Variants in KPNA4 observed in about 807,000 individuals in gnomAD.
KPNA4 encodes importin subunit alpha-3.
In KPNA4, 13 loss-of-function variants were observed where a neutral mutation model predicts 71.3. That is an observed-to-expected ratio of 0.18 (90% CI 0.12 to 0.29). The LOEUF (loss-of-function observed/expected upper bound fraction) is 0.29, where lower values mean the gene tolerates loss of function less well. Among genes scored for constraint, KPNA4 ranks in the 10% least tolerant of loss-of-function variants. The probability of loss-of-function intolerance (pLI) is 1.00; values close to 1 mark genes in which losing one functional copy is unlikely to be tolerated. For missense variants in KPNA4, 334 were observed against 603.2 expected, an observed-to-expected ratio of 0.55 and a Z score of 4.67; for synonymous variants, 189 against 195.2, an observed-to-expected ratio of 0.97 and a Z score of 0.26.
intron 14 of KPNA4, 55 bp downstream of exon 14, chr3:160,509,745 C>T: frequency 9.0e-7 from 1 of 1,110,580 alleles, no homozygotes; most frequent in Non-Finnish European, 1.4e-6. Flanking sequence ...ATCAATATTA[C>T]CTGTACTTTT....
rs1225278263 is a variant in KPNA4, at chr3:160,530,968, C to T, written c.384-28G>A. On this transcript the variant is annotated intron_variant, in intron 6 of 16. Transcript: ENST00000334256. ...ACAAAAAAAAACAAGTATTTTTAAA[C>T]AGCAGGGATTTTTACATTGGGCCAA... 2.0e-6 allele frequency: 3 copies of T among 1,520,568 alleles called. No homozygotes were observed. In the South Asian group the frequency reaches 3.5e-5, roughly 18 times the overall value. 94.2% of individuals were successfully genotyped at this position (1,520,568 alleles called of 1,614,324 possible).
intron 14 of KPNA4, 97 bp from the exon 15 acceptor site, chr3:160,508,366 T>C (rs992337460): frequency 7.2e-6 from 6 of 831,118 alleles, no homozygotes; most frequent in East Asian, 2.8e-5. Flanking sequence ...ATTTCGAGTA[T>C]AGAAATATGA....
intron 1 of KPNA4, among the ~76,000 whole-genome samples, chr3:160,562,871 C>T (rs1344915774): frequency 1.3e-5 from 2 of 152,176 alleles, no homozygotes; most frequent in African/African-American, 4.8e-5. Flanking sequence ...TCTTCTAATA[C>T]AGCCTCAGGA....
intron 7 of KPNA4, among the ~76,000 whole-genome samples, chr3:160,528,376 G>A (rs901595166): frequency 1.3e-5 from 2 of 149,168 alleles, no homozygotes; most frequent in African/African-American, 4.9e-5. Context: ...CTTTTTTTTT[G>A]TTTTTTTGAG....
intron 7 of KPNA4, among the ~76,000 whole-genome samples, chr3:160,530,487 A>AAAC (rs1334289318): frequency 1.3e-5 from 2 of 152,136 alleles, no homozygotes; most frequent in Non-Finnish European, 2.9e-5. Context: ...TGAGAAAGAA[A>AAAC]AACAACAACA....
chr3:160,528,739 A>AT (rs943260143), intron 7 of KPNA4, among the ~76,000 whole-genome samples: 5 of 152,220 alleles, frequency 3.3e-5, no homozygotes, highest in African/African-American at 1.2e-4. Context: ...TTCCTGGGCC[A>AT]TGTGGGATCT....
chr3:160,558,618 CAT>C (rs1369111287), intron 1 of KPNA4, among the ~76,000 whole-genome samples: 4 of 152,180 alleles, frequency 2.6e-5, no homozygotes, highest in Admixed American at 6.5e-5. Flanking sequence ...AAGTGACACT[CAT>C]GTGCAAAAGA....
intron 2 of KPNA4, among the ~76,000 whole-genome samples, chr3:160,536,229 G>T (rs1428885085): frequency 6.6e-6 from 1 of 152,026 alleles, no homozygotes; most frequent in Non-Finnish European, 1.5e-5. Flanking sequence ...TTATTTAAAA[G>T]TACTAAACCA....
chr3:160,542,155 A>T (rs1721812971), intron 1 of KPNA4, among the ~76,000 whole-genome samples: 1 of 152,216 alleles, frequency 6.6e-6, no homozygotes, highest in Non-Finnish European at 1.5e-5. Context: ...AGAAATGAAC[A>T]GGTAGGCAAG....
chr3:160,536,006 A>T, intron 2 of KPNA4, 109 bp from the exon 3 acceptor site: 1 of 831,338 alleles, frequency 1.2e-6, no homozygotes, highest in Non-Finnish European at 1.6e-6. Context: ...AAAAACTGAA[A>T]TATGAAGTGC....
chr3:160,521,165 G>A (rs1405816531), intron 11 of KPNA4, among the ~76,000 whole-genome samples: 2 of 152,028 alleles, frequency 1.3e-5, no homozygotes, highest in African/African-American at 4.8e-5. Flanking sequence ...AGGATGGTTG[G>A]CAAGGAAGAA....
At position 160,508,245 on chromosome 3, in the gene KPNA4, C is replaced by T; in HGVS notation, c.1234G>A (p.Val412Ile). The change falls in exon 15 of 17, where the codon GTT becomes ATT. Residue 412 changes from valine to isoleucine, a missense_variant. Transcript: ENST00000334256. ...DQVAYLIQQN[V>I]IPPFCNLLTV... The stretch of plus-strand genomic sequence containing the variant: ...AGCAAGTTGCAAAAAGGTGGGATAA[C>T]ATTTTGTTGGATAAGGTAAGCCACC... 1 of 1,609,538 alleles carries T rather than the reference C, an allele frequency of 6.2e-7. No individual in the cohort carries two copies. Among genetic ancestry groups the T allele is most frequent in the Non-Finnish European group, 8.5e-7 (1 of 1,178,074 alleles).
intron 1 of KPNA4, among the ~76,000 whole-genome samples, chr3:160,555,060 G>A (rs1376463007): frequency 1.3e-5 from 2 of 152,152 alleles, no homozygotes; most frequent in Non-Finnish European, 2.9e-5. Flanking sequence ...CCATGGGACT[G>A]AGCTCTCAAC....
At chr3:160,514,244 A>G in intron 12 of KPNA4, 63 bp from the exon 13 acceptor site, 1 of 1,156,444 alleles carries the variant, frequency 8.6e-7, no homozygotes, top group Non-Finnish European at 1.2e-6. Context: ...TGAACTAAGT[A>G]AAAAAGCATT....
At chr3:160,545,289 G>C (rs1302816924) in intron 1 of KPNA4, among the ~76,000 whole-genome samples, 1 of 152,134 alleles carries the variant, frequency 6.6e-6, no homozygotes, top group African/African-American at 2.4e-5. Flanking sequence ...AAGCCCTCTA[G>C]TTATGTTCAC....
chr3:160,505,126 C>T (rs1720958426), intron 15 of KPNA4, 74 bp from the exon 16 acceptor site: 1 of 723,772 alleles, frequency 1.4e-6, no homozygotes, highest in Non-Finnish European at 2.1e-6. Flanking sequence ...ATCTTTGGAA[C>T]ACATAATCCA....
At chr3:160,524,735 A>AT (rs1721427824) in intron 10 of KPNA4, among the ~76,000 whole-genome samples, 3 of 152,308 alleles carry the variant, frequency 2.0e-5, no homozygotes, top group Admixed American at 2.0e-4. Context: ...TTACTTACAC[A>AT]TTTTTTAAGA....
intron 1 of KPNA4, among the ~76,000 whole-genome samples, chr3:160,552,676 G>C (rs1052130211): frequency 6.6e-6 from 1 of 152,114 alleles, no homozygotes; most frequent in Non-Finnish European, 1.5e-5. Context: ...ACTTTGAAGC[G>C]AGATTCAAAG....
intron 1 of KPNA4, among the ~76,000 whole-genome samples, chr3:160,549,945 C>T (rs1212342593): frequency 1.1e-4 from 17 of 152,046 alleles, no homozygotes; most frequent in Admixed American, 1.1e-3. Context: ...ATAAGCCTTT[C>T]TTTTATTTGG....
Sources: gnomAD v4.1 joint callset for allele counts (sites outside exome capture counted in the v4.1 genomes callset) on GRCh38, gnomAD v4.1.1 for gene constraint, MANE v1.5 for transcripts, NCBI Gene and HGNC (gene_info 2026-07-23, HGNC 2026-07-21) for gene names.